The following ZNF423 variants were observed in gnomAD, a reference collection of about 807,000 sequenced individuals.
ZNF423 encodes Ebf-associated zinc finger protein.
ZNF423 carries 12 observed loss-of-function variants against 95.8 expected under a neutral mutation model. The ratio of observed to expected loss-of-function variants is 0.13; its 90% CI spans 0.08 to 0.20. ZNF423 has a LOEUF of 0.20. Among genes scored for constraint, ZNF423 ranks in the 10% least tolerant of loss-of-function variants. The pLI is 1.00. For synonymous variants in ZNF423, 749 were observed against 711.9 expected, an observed-to-expected ratio of 1.05 and a Z score of -0.83; for missense variants, 1,316 against 1,737.1, an observed-to-expected ratio of 0.76 and a Z score of 4.31.
intron 5 of ZNF423, among the ~76,000 whole-genome samples, chr16:49,566,688 A>G (rs1970202705): frequency 6.6e-6 from 1 of 152,222 alleles, no homozygotes; most frequent in South Asian, 2.1e-4. Context: ...AAATTAAAAT[A>G]TTTAATGCTT....
chr16:49,719,687 A>G (rs547641078), intron 3 of ZNF423, among the ~76,000 whole-genome samples: 12 of 152,138 alleles, frequency 7.9e-5, no homozygotes, highest in Non-Finnish European at 1.8e-4. Context: ...TCACCATGCT[A>G]TGATGTCCTT....
intron 2 of ZNF423, among the ~76,000 whole-genome samples, chr16:49,762,231 G>C (rs1267330347): frequency 1.3e-5 from 2 of 152,194 alleles, no homozygotes; most frequent in African/African-American, 4.8e-5. Context: ...GAAAATGCCT[G>C]TGAATCTCAA....
intron 1 of ZNF423, among the ~76,000 whole-genome samples, chr16:49,848,748 G>C (rs1439681456): frequency 6.6e-6 from 1 of 152,120 alleles, no homozygotes; most frequent in Non-Finnish European, 1.5e-5. Flanking sequence ...CTCTTGTCTG[G>C]TGGTTCATAA....
At chr16:49,733,010 T>C (rs936738971) in intron 2 of ZNF423, among the ~76,000 whole-genome samples, 1 of 152,236 alleles carries the variant, frequency 6.6e-6, no homozygotes, top group Non-Finnish European at 1.5e-5. Flanking sequence ...CGCCAACTCC[T>C]GGCAATACAG....
chr16:49,523,544 C>T, intron 7 of ZNF423, 80 bp downstream of exon 7: 5 of 1,248,738 alleles, frequency 4.0e-6, no homozygotes, highest in Non-Finnish European at 4.6e-6. Flanking sequence ...CACCAGCTTG[C>T]CTTAACCCTG....
chr16:49,517,963 C>T (rs1319415313), intron 7 of ZNF423: 13 of 453,276 alleles, frequency 2.9e-5, no homozygotes, highest in East Asian at 7.0e-5. Flanking sequence ...AGGAGCAGCA[C>T]GTCGTTTTGG....
chr16:49,662,150 A>C (rs112176496), intron 3 of ZNF423, among the ~76,000 whole-genome samples: 2,337 of 151,422 alleles, frequency 0.015, 27 homozygotes, highest in Middle Eastern at 0.027. Flanking sequence ...CCAATTTACC[A>C]CCTCCTTATG....
intron 5 of ZNF423, among the ~76,000 whole-genome samples, chr16:49,595,954 T>C (rs1032680984): frequency 3.9e-5 from 6 of 152,336 alleles, no homozygotes; most frequent in South Asian, 2.1e-4. Flanking sequence ...GTTTCACTTG[T>C]TCTAAATCTT....
chr16:49,721,852 G>A (rs183897753), intron 3 of ZNF423, among the ~76,000 whole-genome samples: 32 of 152,126 alleles, frequency 2.1e-4, no homozygotes, highest in African/African-American at 7.2e-4. Flanking sequence ...TTTTCCCATG[G>A]AAAACACAAG....
Position 49,825,847 on chromosome 16 carries a change from G to A in ZNF423, c.40+29888C>T, listed in dbSNP as rs896121715. Among the ~76,000 whole-genome samples, 4 of 152,172 alleles carry A rather than the reference G, an allele frequency of 2.6e-5. No homozygotes were observed. In the East Asian group the frequency reaches 5.8e-4, roughly 22 times the overall value. On this transcript the variant is annotated intron_variant, in intron 1 of 7. Coordinates refer to ENST00000563137, the MANE Select transcript of ZNF423 (RefSeq NM_001379286.1). ...CCATCCAGCCCCCTAAGACACAGGC[G>A]GTTCCAGGCCCTTTCCGAGGGACCA...
At chr16:49,832,101 C>T (rs2144060036) in intron 1 of ZNF423, among the ~76,000 whole-genome samples, 1 of 152,320 alleles carries the variant, frequency 6.6e-6, no homozygotes, top group East Asian at 1.9e-4. Flanking sequence ...TCCGAGGGCC[C>T]TGGCCACCAA....
intron 5 of ZNF423, among the ~76,000 whole-genome samples, chr16:49,577,137 C>G (rs896024341): frequency 2.6e-5 from 4 of 152,172 alleles, no homozygotes; most frequent in African/African-American, 9.7e-5. Flanking sequence ...GTCAGGCCAG[C>G]TGGCGTGGGG....
At chr16:49,559,426 C>T (rs1597102242) in intron 5 of ZNF423, among the ~76,000 whole-genome samples, 1 of 152,196 alleles carries the variant, frequency 6.6e-6, no homozygotes. Context: ...TTCTAGGAGG[C>T]CCCAGGGAAC....
intron 1 of ZNF423, among the ~76,000 whole-genome samples, chr16:49,797,537 G>A (rs2034517470): frequency 6.6e-6 from 1 of 152,216 alleles, no homozygotes; most frequent in East Asian, 1.9e-4. Context: ...CTCCTTTCAG[G>A]TGGCGATGTG....
chr16:49,778,484 C>G (rs1405769487), intron 2 of ZNF423, among the ~76,000 whole-genome samples: 1 of 152,250 alleles, frequency 6.6e-6, no homozygotes, highest in Non-Finnish European at 1.5e-5. Flanking sequence ...GATCTCAGGT[C>G]AGCCTCAGGC....
At chr16:49,586,351 T>C (rs979931710) in intron 5 of ZNF423, among the ~76,000 whole-genome samples, 5 of 152,148 alleles carry the variant, frequency 3.3e-5, no homozygotes, top group African/African-American at 1.2e-4. Context: ...ATTACTTGCA[T>C]ATCTATAATT....
At chr16:49,849,448 G>C (rs751548187) in intron 1 of ZNF423, among the ~76,000 whole-genome samples, 1 of 152,208 alleles carries the variant, frequency 6.6e-6, no homozygotes, top group Non-Finnish European at 1.5e-5. Flanking sequence ...CAACCCACTT[G>C]ATAAGAGATT....
intron 3 of ZNF423, among the ~76,000 whole-genome samples, chr16:49,717,614 G>C (rs1206174359): frequency 1.3e-5 from 2 of 152,210 alleles, no homozygotes; most frequent in Admixed American, 6.5e-5. Context: ...GGAGTCCCTG[G>C]ATTCAGCTGC....
intron 5 of ZNF423, among the ~76,000 whole-genome samples, chr16:49,570,731 G>A (rs147475266): frequency 6.6e-6 from 1 of 152,374 alleles, no homozygotes; most frequent in Admixed American, 6.5e-5. Context: ...TCTGGAAGAT[G>A]TTTCCAGATC....
Sources: gnomAD v4.1 joint callset for allele counts (sites outside exome capture counted in the v4.1 genomes callset) on GRCh38, gnomAD v4.1.1 for gene constraint, MANE v1.5 for transcripts, NCBI Gene and HGNC (gene_info 2026-07-23, HGNC 2026-07-21) for gene names.